TBX3: variants seen among roughly 807,000 people sequenced by gnomAD.
TBX3 encodes the protein T-box transcription factor 3.
Under a neutral mutation model 47.8 loss-of-function variants are expected in TBX3, and 11 were observed. The observed-to-expected ratio is 0.23, with a 90% CI of 0.14 to 0.38. The LOEUF is 0.38. Ranked by LOEUF, TBX3 falls within the 10% of genes least tolerant of loss-of-function variation. The pLI, the probability that TBX3 is intolerant of heterozygous loss-of-function variation, is 1.00. For missense variants in TBX3, 927 were observed against 1,022.8 expected, an observed-to-expected ratio of 0.91 and a Z score of 1.28; for synonymous variants, 500 against 449.3, an observed-to-expected ratio of 1.11 and a Z score of -1.43.
Position 114,682,861 on chromosome 12 carries a change from C to G in TBX3, c.340G>C (p.Asp114His), listed in dbSNP as rs772441761. The G allele has an allele frequency of 6.2e-7, 1 of 1,614,150 alleles. No individual in the cohort carries two copies. Among genetic ancestry groups the G allele is most frequent in the South Asian group, 1.1e-5 (1 of 91,068 alleles). Residue 114 changes from aspartate (D) to histidine (H), a missense_variant, in exon 1 of 7, where the codon GAT (aspartate) becomes CAT (histidine). Asp to His is a moderately conservative substitution (Grantham distance 81). This residue lies in a region of TBX3 where 216 missense variants were observed against 281.2 expected (regional missense o/e 0.77). Coordinates refer to ENST00000349155, the MANE Select transcript of TBX3 (RefSeq NM_005996.4). ...KVHLEAKELWDQFHKRGTEMV... is the reference protein window; with the variant it reads ...KVHLEAKELWHQFHKRGTEMV... ...TCGGTGCCCCGCTTGTGAAACTGAT[C>G]CCAAAGTTCTTTAGCCTCCAGGTGC...
chr12:114,681,052 G>A lies in TBX3; in HGVS notation c.484C>T (p.Arg162Cys). The A allele has an allele frequency of 6.2e-7, 1 of 1,613,582 alleles. No individual in the cohort carries two copies. The highest frequency in any genetic ancestry group is 8.5e-7 in the Non-Finnish European group (1 of 1,179,976). Residue 162 changes from arginine to cysteine, a missense_variant, in exon 2 of 7, where the codon CGT becomes TGT. This residue lies in a region of TBX3 where 216 missense variants were observed against 281.2 expected (regional missense o/e 0.77). Coordinates refer to ENST00000349155, the MANE Select transcript of TBX3 (RefSeq NM_005996.4). ...CACCGAGAATTGTGAAATTTATAAC[G>A]ACAGTCATCAGCAGCTATAATGTCC... ...LMDIIAADDC[R>C]YKFHNSRWMV...
In TBX3 at chr12:114,672,155, A is replaced by G. The variant is rs1352791776; in HGVS notation, c.1858T>C (p.Tyr620His). The G allele has an allele frequency of 1.3e-6, 2 of 1,571,908 alleles. No homozygotes were observed. Among genetic ancestry groups the G allele is most frequent in the Non-Finnish European group, 1.7e-6 (2 of 1,159,234 alleles). ...NLNTMRPRLR[Y>H]SPYSIPVPVP... ...GGCACCGGGATGGAGTAGGGGCTGT[A>G]GCGCAGCCGCGGGCGCATGGTGTTC... The change falls in exon 7 of 7, where the codon TAC becomes CAC. Residue 620 changes from tyrosine (Y) to histidine (H), a missense_variant. Transcript: ENST00000349155.
chr12:114,676,573 C>T, intron 4 of TBX3, 103 bp from the exon 5 acceptor site: 1 of 1,467,014 alleles, frequency 6.8e-7, no homozygotes. Context: ...TCACACCCTG[C>T]CTGCTGCCCA....
At position 114,683,320 on chromosome 12, in the gene TBX3, A is replaced by C. The variant is rs1226551394; in HGVS notation, c.-120T>G. 16 of 1,373,554 alleles carry C rather than the reference A, an allele frequency of 1.2e-5. No homozygotes were observed. The highest frequency in any genetic ancestry group is 9.9e-7 in the Non-Finnish European group (1 of 1,008,672). The allele number at this position is 1,373,554 out of a possible 1,614,324, so 85.1% of individuals were successfully genotyped here. ...TTCAAAAGGGGGGAAAAAGCAAAAC[A>C]AAAAAGAAAGAAAAAAGAAAAGGAG... On this transcript the variant is annotated 5_prime_UTR_variant, in exon 1 of 7. Transcript: ENST00000349155. This position sits in a 1 kb window ranked among gnomAD's most constrained non-coding sequence, Gnocchi z 7.7.
intron 2 of TBX3, chr12:114,680,078 A>G: frequency 8.9e-7 from 1 of 1,128,838 alleles, no homozygotes; most frequent in Non-Finnish European, 1.3e-6. Context: ...GAAAGGCTGA[A>G]CTCTAGAGAG....
At chr12:114,677,725 T>C in intron 3 of TBX3, 69 bp from the exon 4 acceptor site, 1 of 1,470,204 alleles carries the variant, frequency 6.8e-7, no homozygotes, top group Non-Finnish European at 9.5e-7. Context: ...AGGGTGTTTT[T>C]CCCAACTCAA....
chr12:114,674,852 A>G lies in TBX3; in HGVS notation c.1040-17T>C, dbSNP rs1379719373. 6.4e-7 allele frequency: 1 copy of G among 1,558,902 alleles called. No individual in the cohort carries two copies. Among genetic ancestry groups the G allele is most frequent in the African/African-American group, 1.3e-5 (1 of 74,432 alleles). ...GACATAAATCTACCACAGGCGAAGG[A>G]AAAAACCAAGGCAGAAGGGCGTTAT... On this transcript the variant is annotated splice_polypyrimidine_tract_variant and intron_variant, in intron 5 of 6. Coordinates refer to ENST00000349155, the MANE Select transcript of TBX3 (RefSeq NM_005996.4).
At chr12:114,675,699 T>C (rs1250048973) in intron 5 of TBX3, among the ~76,000 whole-genome samples, 1 of 151,794 alleles carries the variant, frequency 6.6e-6, no homozygotes, top group Non-Finnish European at 1.5e-5. Context: ...TACTGCTTGC[T>C]CTTTAAACAC....
chr12:114,672,438 T>A, intron 6 of TBX3, 136 bp from the exon 7 acceptor site: 2 of 345,684 alleles, frequency 5.8e-6, no homozygotes, highest in Non-Finnish European at 8.1e-6. Context: ...GTTGTTGTGT[T>A]TTTTTTTTTG....
In TBX3 at chr12:114,684,172, G is replaced by T. The variant is rs1487485994; in HGVS notation, c.-972C>A. 8.7e-6 allele frequency: 2 copies of T among 229,604 alleles called. No homozygotes were observed. Among genetic ancestry groups the T allele is most frequent in the Non-Finnish European group, 1.7e-5 (2 of 115,816 alleles). The allele number at this position is 229,604 out of a possible 1,614,324, so 14.2% of individuals were successfully genotyped here. A position where few individuals can be genotyped will look rare whatever the true frequency, so the allele number is the denominator to read the frequency against. On this transcript the variant is annotated 5_prime_UTR_variant, in exon 1 of 7. Coordinates refer to ENST00000349155, the MANE Select transcript of TBX3 (RefSeq NM_005996.4). ...CCGCCGCCTCTAGAATTCACCGGGC[G>T]TCTGCTCGGCGGCTCTAGAAGGTCG... is the stretch of plus-strand genomic sequence containing the variant.
Position 114,674,199 on chromosome 12 carries a change from G to C in TBX3, c.1676C>G (p.Pro559Arg). ...GLSGASAATL[P>R]FHLQQHVLAS... is the part of the protein sequence containing the mutation. ...CAGGACGTGCTGCTGGAGGTGGAAGGGCAGGGTGGCCGCGGACGCCCCGGA... is the reference window on the plus strand; with the variant it reads ...CAGGACGTGCTGCTGGAGGTGGAAGCGCAGGGTGGCCGCGGACGCCCCGGA... Residue 559 changes from proline to arginine, a missense_variant, in exon 6 of 7, where the codon CCC becomes CGC. Physicochemically the swap from Pro to Arg is moderately radical, Grantham distance 103 (BLOSUM62 -2). Around this residue, in one of 5 missense-constraint regions of TBX3, gnomAD observed 623 missense variants for 569.0 expected, o/e 1.09. Transcript: ENST00000349155. 1 of 1,583,440 alleles carries C rather than the reference G, an allele frequency of 6.3e-7. No individual in the cohort carries two copies. The highest frequency in any genetic ancestry group is 2.3e-5 in the East Asian group (1 of 43,968).
chr12:114,674,211 G>C lies in TBX3; in HGVS notation c.1664C>G (p.Ala555Gly), dbSNP rs1263505115. 1.9e-6 allele frequency: 3 copies of C among 1,580,480 alleles called. No individual in the cohort carries two copies. The African/African-American group carries it at 4.0e-5, about 21-fold the overall frequency. The change falls in exon 6 of 7, where the codon GCG (alanine) becomes GGG (glycine). Residue 555 changes from alanine (A) to glycine (G), a missense_variant. Physicochemically the swap from Ala to Gly is moderately conservative, Grantham distance 60. Around this residue, in one of 5 missense-constraint regions of TBX3, gnomAD observed 623 missense variants for 569.0 expected, o/e 1.09. Transcript: ENST00000349155. The stretch of plus-strand genomic sequence containing the variant: ...CTGGAGGTGGAAGGGCAGGGTGGCC[G>C]CGGACGCCCCGGACAGTCCCTGCGC... ...AAAQGLSGASAATLPFHLQQH... is the reference protein window; with the variant it reads ...AAAQGLSGASGATLPFHLQQH...
At position 114,674,598 on chromosome 12, in the gene TBX3, G is replaced by C. The variant is rs941278850; in HGVS notation, c.1277C>G (p.Thr426Ser). ...GCGCTCCTCCGCGCCCAGGCCGCGAGTGCTGGACGAGATGGTGGCGGGGCT... is the reference window on the plus strand; with the variant it reads ...GCGCTCCTCCGCGCCCAGGCCGCGACTGCTGGACGAGATGGTGGCGGGGCT... ...RHSPATISSS[T>S]RGLGAEERRS... The change falls in exon 6 of 7, where the codon ACT becomes AGT. Residue 426 changes from threonine (T) to serine (S), a missense_variant. By Grantham distance (58) the Thr-to-Ser change is moderately conservative. Coordinates refer to ENST00000349155, the MANE Select transcript of TBX3 (RefSeq NM_005996.4). The C allele has an allele frequency of 1.9e-6, 3 of 1,597,594 alleles. No homozygotes were observed. Among genetic ancestry groups the C allele is most frequent in the Admixed American group, 1.7e-5 (1 of 58,942 alleles).
In TBX3 at chr12:114,674,574, C is replaced by A; in HGVS notation, c.1301G>T (p.Arg434Leu). The A allele has an allele frequency of 6.3e-7, 1 of 1,578,620 alleles. No homozygotes were observed. The highest frequency in any genetic ancestry group is 8.6e-7 in the Non-Finnish European group (1 of 1,165,414). The change falls in exon 6 of 7, where the codon CGC becomes CTC. Residue 434 changes from arginine to leucine, a missense_variant. Around this residue, in one of 5 missense-constraint regions of TBX3, gnomAD observed 623 missense variants for 569.0 expected, o/e 1.09. Coordinates refer to ENST00000349155, the MANE Select transcript of TBX3 (RefSeq NM_005996.4). ...TGTGCCCTCGCGAACCGGGCTCCTG[C>A]GCTCCTCCGCGCCCAGGCCGCGAGT... ...SSTRGLGAEE[R>L]RSPVREGTAP...
rs1330862517 is a variant in TBX3, at chr12:114,672,180, C to T, written c.1833G>A (p.Leu611=). 1 of 1,572,676 alleles carries T rather than the reference C, an allele frequency of 6.4e-7. No homozygotes were observed. Among genetic ancestry groups the T allele is most frequent in the Non-Finnish European group, 8.6e-7 (1 of 1,160,004 alleles). ...SSVHRHPFLN[L]NTMRPRLRYS... ...AGCGCAGCCGCGGGCGCATGGTGTTCAGATTGAGGAAGGGGTGGCGGTGCA... is the reference window on the plus strand; with the variant it reads ...AGCGCAGCCGCGGGCGCATGGTGTTTAGATTGAGGAAGGGGTGGCGGTGCA... Residue 611 remains leucine (L), a synonymous_variant, in exon 7 of 7, where the codon CTG becomes CTA. Transcript: ENST00000349155.
chr12:114,670,983 C>T lies in TBX3; in HGVS notation c.*858G>A. 1 of 206,958 alleles carries T rather than the reference C, an allele frequency of 4.8e-6. No individual in the cohort carries two copies. Among genetic ancestry groups the T allele is most frequent in the Non-Finnish European group, 9.9e-6 (1 of 101,472 alleles). The allele number at this position is 206,958 out of a possible 1,614,324, so 12.8% of individuals were successfully genotyped here. A position where few individuals can be genotyped will look rare whatever the true frequency, so the allele number is the denominator to read the frequency against. On this transcript the variant is annotated 3_prime_UTR_variant, in exon 7 of 7. Coordinates refer to ENST00000349155, the MANE Select transcript of TBX3 (RefSeq NM_005996.4). ...TTATTTTTTTAAAACCTTGTTATTG[C>T]ATATACAGGAAAGAGAAAGAACTGT...
intron 2 of TBX3, chr12:114,680,047 G>A: frequency 6.7e-7 from 1 of 1,482,370 alleles, no homozygotes; most frequent in Non-Finnish European, 9.4e-7. Context: ...TAATTGACGA[G>A]CCCAATCCAC....
Position 114,683,964 on chromosome 12 carries a change from C to G in TBX3, c.-764G>C. 4.3e-6 allele frequency: 1 copy of G among 230,990 alleles called. No homozygotes were observed. The highest frequency in any genetic ancestry group is 6.1e-5 in the East Asian group (1 of 16,344). 14.3% of individuals were successfully genotyped at this position (230,990 alleles called of 1,614,324 possible). ...TCTTCTCCCGTGCCTCTCTCTCTTC[C>G]TTGTCCTAAAACGTGAGCGAATTCG... On this transcript the variant is annotated 5_prime_UTR_variant, in exon 1 of 7. Transcript: ENST00000349155. This position sits in a 1 kb window ranked among gnomAD's most constrained non-coding sequence, Gnocchi z 7.7.
chr12:114,673,283 GAGACCAGACGAATGTGCTCAGACAAA>G (rs1868529679), intron 6 of TBX3, among the ~76,000 whole-genome samples: 1 of 152,210 alleles, frequency 6.6e-6, no homozygotes, highest in South Asian at 2.1e-4. Context: ...GCAGGGAAGG[GAGACCAGACGAATGTGCTCAGACAAA>G]ACAAAAGGCA....
Sources: gnomAD v4.1 joint callset for allele counts (sites outside exome capture counted in the v4.1 genomes callset) on GRCh38, gnomAD v4.1.1 for gene constraint, gnomAD v4.1.1 regional missense constraint, Gnocchi (gnomAD v3.1) non-coding constraint, MANE v1.5 for transcripts, NCBI Gene and HGNC (gene_info 2026-07-23, HGNC 2026-07-21) for gene names.